Variants in GRAMD4 observed in about 807,000 individuals in gnomAD.
GRAMD4 encodes the protein GRAM domain containing 4.
A neutral mutation model predicts 83.9 loss-of-function variants in GRAMD4; 25 were observed. That is an observed-to-expected ratio of 0.30 (90% CI 0.22 to 0.42). GRAMD4 has a LOEUF of 0.42. Among genes scored for constraint, GRAMD4 ranks in the 10% least tolerant of loss-of-function variants. The pLI, the probability that GRAMD4 is intolerant of heterozygous loss-of-function variation, is 1.00. For synonymous variants in GRAMD4, 336 were observed against 320.9 expected (o/e 1.05, Z -0.50); for missense variants, 593 against 788.7 (o/e 0.75, Z 2.97).
intron 2 of GRAMD4, among the ~76,000 whole-genome samples, chr22:46,627,319 GC>G (rs2081681245): frequency 6.6e-6 from 1 of 152,260 alleles, no homozygotes; most frequent in Non-Finnish European, 1.5e-5. Flanking sequence ...AGCCGCTGGT[GC>G]CTGGCTTGTC....
At chr22:46,673,615 G>A in intron 14 of GRAMD4, 55 bp from the exon 15 acceptor site, 1 of 1,582,856 alleles carries the variant, frequency 6.3e-7, no homozygotes, top group Non-Finnish European at 8.6e-7. Flanking sequence ...CAGCACATCT[G>A]GGTGCTGCAG....
chr22:46,663,157 C>A lies in GRAMD4; in HGVS notation c.584C>A (p.Pro195His), dbSNP rs1246271165. 5.0e-6 allele frequency: 8 copies of A among 1,611,364 alleles called. No homozygotes were observed. Among genetic ancestry groups the A allele is most frequent in the Non-Finnish European group, 5.9e-6 (7 of 1,179,030 alleles). ...PEENTVETEE[P>H]LSARRLTENM... ...GAGAACACTGTGGAGACAGAGGAAC[C>A]CCTGAGCGCCCGCAGGTAGGGGTTC... The change falls in exon 6 of 19, where the codon CCC (proline) becomes CAC (histidine). Residue 195 changes from proline (P) to histidine (H), a missense_variant. Pro to His is a moderately conservative substitution (Grantham distance 77). This residue lies in a region of GRAMD4 where 312 missense variants were observed against 350.7 expected (regional missense o/e 0.89). Coordinates refer to ENST00000406902, the MANE Select transcript of GRAMD4 (RefSeq NM_015124.5).
intron 1 of GRAMD4, among the ~76,000 whole-genome samples, chr22:46,577,897 G>T (rs371893135): frequency 2.0e-5 from 3 of 152,224 alleles, no homozygotes; most frequent in Non-Finnish European, 4.4e-5. Flanking sequence ...AGAACGTGGG[G>T]TGCAGTGTGG....
upstream of GRAMD4, among the ~76,000 whole-genome samples, chr22:46,616,611 CCT>C (rs2081500057): frequency 7.4e-6 from 1 of 134,590 alleles, no homozygotes; most frequent in African/African-American, 2.9e-5. Flanking sequence ...TGTAGGTTCC[CCT>C]GTGTGTGTAG....
At chr22:46,598,242 A>G (rs1012218375) in intron 1 of GRAMD4, among the ~76,000 whole-genome samples, 2 of 152,020 alleles carry the variant, frequency 1.3e-5, no homozygotes, top group Non-Finnish European at 2.9e-5. Flanking sequence ...TCAGCCTCCC[A>G]AAGGGATAGG....
At chr22:46,627,011 C>T (rs768785078) in intron 2 of GRAMD4, 50 bp downstream of exon 2, 3 of 1,366,726 alleles carry the variant, frequency 2.2e-6, no homozygotes, top group African/African-American at 1.4e-5. Flanking sequence ...TCGTCCCCGT[C>T]CTCTGTGGCC....
chr22:46,639,871 T>C (rs931246179), intron 3 of GRAMD4, among the ~76,000 whole-genome samples: 1 of 152,166 alleles, frequency 6.6e-6, no homozygotes, highest in African/African-American at 2.4e-5. Context: ...TAGAGCCAGC[T>C]TGGGCAGAGA....
chr22:46,641,627 A>G (rs2081976565), intron 3 of GRAMD4, among the ~76,000 whole-genome samples: 1 of 152,178 alleles, frequency 6.6e-6, no homozygotes, highest in Non-Finnish European at 1.5e-5. Context: ...AGGCGGCCTA[A>G]CATGGTCCAT....
At chr22:46,666,557 G>A (rs953429231) in intron 9 of GRAMD4, among the ~76,000 whole-genome samples, 1 of 152,156 alleles carries the variant, frequency 6.6e-6, no homozygotes, top group African/African-American at 2.4e-5. Context: ...GGATGTTGAA[G>A]GGCCGCCCTC....
chr22:46,643,136 C>T (rs1414861634), intron 3 of GRAMD4, among the ~76,000 whole-genome samples: 4 of 76,766 alleles, frequency 5.2e-5, no homozygotes, highest in Non-Finnish European at 8.1e-5. Context: ...TCCATCCATG[C>T]ATCCTTCCAT....
intron 3 of GRAMD4, among the ~76,000 whole-genome samples, chr22:46,651,131 G>A (rs990102373): frequency 6.6e-6 from 1 of 151,650 alleles, no homozygotes; most frequent in African/African-American, 2.4e-5. Flanking sequence ...CTAGGCATCG[G>A]GGGAGCAGAC....
At chr22:46,612,642 T>C (rs2081429211) in intron 1 of GRAMD4, among the ~76,000 whole-genome samples, 1 of 152,252 alleles carries the variant, frequency 6.6e-6, no homozygotes, top group Non-Finnish European at 1.5e-5. Flanking sequence ...GTGCCCCTGC[T>C]ACCTCTACCT....
chr22:46,577,172 C>T (rs2081049885), exon 1 of GRAMD4: 29 of 546,162 alleles, frequency 5.3e-5, no homozygotes, highest in Non-Finnish European at 6.7e-5. Context: ...GGGCCGCCTC[C>T]TCCCGGCTCC....
chr22:46,599,440 T>G (rs2081291930), intron 1 of GRAMD4, among the ~76,000 whole-genome samples: 1 of 151,884 alleles, frequency 6.6e-6, no homozygotes, highest in African/African-American at 2.4e-5. Context: ...TGCCTCAGCC[T>G]CGCAAGTAGC....
At chr22:46,613,836 T>C (rs1376924062) in intron 1 of GRAMD4, among the ~76,000 whole-genome samples, 3 of 98,814 alleles carry the variant, frequency 3.0e-5, no homozygotes, top group Non-Finnish European at 6.3e-5. Context: ...TTTGACCCCT[T>C]GGGGCCTCTC....
chr22:46,587,608 G>T (rs1343223787), intron 1 of GRAMD4, among the ~76,000 whole-genome samples: 1 of 152,082 alleles, frequency 6.6e-6, no homozygotes, highest in Non-Finnish European at 1.5e-5. Context: ...CGGGGGGCCA[G>T]TGGGCTGGAT....
At chr22:46,664,222 C>G in intron 8 of GRAMD4, 105 bp downstream of exon 8, 1 of 810,902 alleles carries the variant, frequency 1.2e-6, no homozygotes, top group Non-Finnish European at 2.2e-6. Flanking sequence ...CCCCAGGTGG[C>G]ACTTCCTCAG....
intron 3 of GRAMD4, among the ~76,000 whole-genome samples, chr22:46,639,680 G>A (rs1445693728): frequency 1.3e-5 from 2 of 152,164 alleles, no homozygotes; most frequent in African/African-American, 2.4e-5. Flanking sequence ...CCGTGTGTGT[G>A]TGTGCATGCC....
At position 46,678,535 on chromosome 22, in the gene GRAMD4, G is replaced by A. The variant is rs947050101; in HGVS notation, c.*1284G>A. On this transcript the variant is annotated 3_prime_UTR_variant, in exon 19 of 19. Coordinates refer to ENST00000406902, the MANE Select transcript of GRAMD4 (RefSeq NM_015124.5). The stretch of plus-strand genomic sequence containing the variant: ...GAGGGAAAGGCGGCTTGGGCCTCCT[G>A]GAAGGAGGTGGCCACCCCGCGGGCC... The A allele has an allele frequency of 2.2e-5, 22 of 985,294 alleles. No individual in the cohort carries two copies. The highest frequency in any genetic ancestry group is 2.7e-5 in the Non-Finnish European group (22 of 829,912). The allele number at this position is 985,294 out of a possible 1,614,324, so 61.0% of individuals were successfully genotyped here. A position where few individuals can be genotyped will look rare whatever the true frequency, so the allele number is the denominator to read the frequency against.
Sources: allele counts gnomAD v4.1 joint callset (sites outside exome capture counted in the v4.1 genomes callset), GRCh38; gene constraint gnomAD v4.1.1; regional missense constraint gnomAD v4.1.1; transcripts MANE v1.5; gene names NCBI Gene and HGNC (gene_info 2026-07-23, HGNC 2026-07-21).